The following SGCZ variants were observed in gnomAD, a reference collection of about 807,000 sequenced individuals.
SGCZ encodes zeta-sarcoglycan.
SGCZ carries 40 observed loss-of-function variants against 41.3 expected under a neutral mutation model. That is an observed-to-expected ratio of 0.97 (90% CI 0.75 to 1.26). The LOEUF (loss-of-function observed/expected upper bound fraction) is 1.26, where lower values mean the gene tolerates loss of function less well. SGCZ is among the 50% of genes most tolerant of loss of function. The pLI, the probability that SGCZ is intolerant of heterozygous loss-of-function variation, is 0.00. For missense variants in SGCZ, 552 were observed against 369.8 expected (o/e 1.49, Z -4.04); for synonymous variants, 206 against 137.5 (o/e 1.50, Z -3.49).
At chr8:14,155,346 T>A (rs1311096670) in intron 5 of SGCZ, among the ~76,000 whole-genome samples, 1 of 152,206 alleles carries the variant, frequency 6.6e-6, no homozygotes, top group East Asian at 1.9e-4. Context: ...CTGATGTCTC[T>A]TTGGCCCATG....
chr8:14,869,944 G>A, intron 1 of SGCZ, among the ~76,000 whole-genome samples: 1 of 152,084 alleles, frequency 6.6e-6, no homozygotes, highest in East Asian at 1.9e-4. Context: ...ACAAACAAAT[G>A]GAAAAATATT....
intron 1 of SGCZ, among the ~76,000 whole-genome samples, chr8:15,209,752 C>G (rs1585676937): frequency 7.1e-6 from 1 of 139,980 alleles, no homozygotes; most frequent in African/African-American, 2.6e-5. Flanking sequence ...TGACAGATAC[C>G]AGTAGTTGCC....
At chr8:14,784,944 TA>T (rs1036255173) in intron 1 of SGCZ, among the ~76,000 whole-genome samples, 2 of 127,410 alleles carry the variant, frequency 1.6e-5, no homozygotes, top group Non-Finnish European at 3.3e-5. Flanking sequence ...AAAATATATA[TA>T]TTTTTTATAT....
At chr8:14,238,980 A>T (rs971558960) in intron 3 of SGCZ, among the ~76,000 whole-genome samples, 17 of 151,998 alleles carry the variant, frequency 1.1e-4, no homozygotes, top group African/African-American at 2.2e-4. Context: ...TATATATATA[A>T]AAATTCATAT....
intron 4 of SGCZ, among the ~76,000 whole-genome samples, chr8:14,171,655 G>T (rs1804387074): frequency 6.6e-6 from 1 of 151,796 alleles, no homozygotes; most frequent in Non-Finnish European, 1.5e-5. Context: ...ATTTTAAATG[G>T]AGAATGTATT....
At chr8:15,066,315 C>CAAAAAAA (rs34127345) in intron 1 of SGCZ, among the ~76,000 whole-genome samples, 11 of 106,920 alleles carry the variant, frequency 1.0e-4, no homozygotes, top group African/African-American at 3.6e-4. Flanking sequence ...ACTCCGTCTC[C>CAAAAAAA]AAAAAAAAAA....
intron 1 of SGCZ, among the ~76,000 whole-genome samples, chr8:14,762,201 G>C (rs977386828): frequency 6.6e-6 from 1 of 152,060 alleles, no homozygotes; most frequent in Admixed American, 6.6e-5. Context: ...AAATAGCTGG[G>C]ATTAAATCCT....
intron 3 of SGCZ, among the ~76,000 whole-genome samples, chr8:14,303,021 C>G (rs1447004424): frequency 6.6e-6 from 1 of 152,186 alleles, no homozygotes; most frequent in Non-Finnish European, 1.5e-5. Flanking sequence ...CATGCTGCTT[C>G]TCTCTGTGTG....
intron 3 of SGCZ, among the ~76,000 whole-genome samples, chr8:14,267,774 A>AT (rs1363694580): frequency 6.6e-6 from 1 of 152,036 alleles, no homozygotes; most frequent in Non-Finnish European, 1.5e-5. Context: ...AAATGCTTTC[A>AT]TTTTAATTGC....
At chr8:14,168,947 T>C (rs935336338) in intron 4 of SGCZ, among the ~76,000 whole-genome samples, 4 of 152,220 alleles carry the variant, frequency 2.6e-5, no homozygotes, top group African/African-American at 9.6e-5. Context: ...CTCATAACAA[T>C]CATGGGAGGT....
intron 2 of SGCZ, among the ~76,000 whole-genome samples, chr8:14,381,151 G>C (rs1184044617): frequency 2.6e-5 from 4 of 152,142 alleles, no homozygotes; most frequent in African/African-American, 7.2e-5. Context: ...AGATACAAAG[G>C]ATTTAGATAT....
chr8:14,376,031 A>C (rs2117175706), intron 2 of SGCZ, among the ~76,000 whole-genome samples: 1 of 152,280 alleles, frequency 6.6e-6, no homozygotes, highest in East Asian at 1.9e-4. Context: ...CTACAATGGA[A>C]AGCCAGGCGA....
At chr8:15,223,631 A>C (rs892035432) in intron 1 of SGCZ, among the ~76,000 whole-genome samples, 5 of 152,196 alleles carry the variant, frequency 3.3e-5, no homozygotes, top group Non-Finnish European at 5.9e-5. Flanking sequence ...TATATTAACA[A>C]GGATGTAATA....
At chr8:14,188,111 G>A (rs1273958458) in intron 4 of SGCZ, among the ~76,000 whole-genome samples, 2 of 152,050 alleles carry the variant, frequency 1.3e-5, no homozygotes, top group Non-Finnish European at 2.9e-5. Context: ...AAAAATGAAG[G>A]CAAGATAAAG....
At chr8:14,509,154 G>C (rs1488217923) in intron 2 of SGCZ, among the ~76,000 whole-genome samples, 5 of 152,116 alleles carry the variant, frequency 3.3e-5, no homozygotes, top group East Asian at 3.9e-4. Context: ...AGTAAATTTA[G>C]ACTAGATTTT....
Position 14,134,722 on chromosome 8 carries a change from G to A in SGCZ, c.548-26487C>T, listed in dbSNP as rs149916085. Among the ~76,000 whole-genome samples, 957 of 152,144 alleles carry A rather than the reference G, an allele frequency of 6.3e-3. 6 individuals carry two copies. Among genetic ancestry groups the A allele is most frequent in the African/African-American group, 0.021 (855 of 41,500 alleles). On this transcript the variant is annotated intron_variant, in intron 5 of 7. Coordinates refer to ENST00000382080, the MANE Select transcript of SGCZ (RefSeq NM_139167.4). The stretch of plus-strand genomic sequence containing the variant: ...TCTCAGCCTATCTGTATAGGCTGCC[G>A]CAAAGACTTCGTTTTCTCTGTGTCC...
intron 3 of SGCZ, among the ~76,000 whole-genome samples, chr8:14,314,528 C>T (rs1471442531): frequency 1.3e-5 from 2 of 152,052 alleles, no homozygotes; most frequent in Non-Finnish European, 2.9e-5. Flanking sequence ...TTGCCATATA[C>T]AAGACAATAT....
At chr8:14,366,030 C>T (rs959999128) in intron 2 of SGCZ, among the ~76,000 whole-genome samples, 2 of 152,022 alleles carry the variant, frequency 1.3e-5, no homozygotes, top group African/African-American at 4.8e-5. Flanking sequence ...ATTTGATAAA[C>T]TTTGTACTTT....
intron 2 of SGCZ, among the ~76,000 whole-genome samples, chr8:14,531,924 C>G (rs965397509): frequency 5.9e-5 from 9 of 151,932 alleles, no homozygotes; most frequent in Non-Finnish European, 1.3e-4. Flanking sequence ...ATGAAACAAG[C>G]CTTAATTTAA....
Sources: gnomAD v4.1 joint callset for allele counts (sites outside exome capture counted in the v4.1 genomes callset) on GRCh38, gnomAD v4.1.1 for gene constraint, MANE v1.5 for transcripts, NCBI Gene and HGNC (gene_info 2026-07-23, HGNC 2026-07-21) for gene names.